MMS19: variants seen among roughly 807,000 people sequenced by gnomAD.
MMS19 encodes the protein MMS19 nucleotide excision repair protein homolog.
In MMS19, 77 loss-of-function variants were observed where a neutral mutation model predicts 129.8. That is an observed-to-expected ratio of 0.59 (90% CI 0.49 to 0.72). The LOEUF is 0.72. Ranked by LOEUF, MMS19 falls within the 30% of genes least tolerant of loss-of-function variation. MMS19 has a pLI of 0.00. For synonymous variants in MMS19, 491 were observed against 502.8 expected (o/e 0.98, Z 0.31); for missense variants, 1,168 against 1,266.3 (o/e 0.92, Z 1.18).
At chr10:97,478,468 A>G in intron 3 of MMS19, 79 bp from the exon 4 acceptor site, 1 of 1,040,224 alleles carries the variant, frequency 9.6e-7, no homozygotes, top group Non-Finnish European at 1.4e-6. Flanking sequence ...CTAAGTCTAT[A>G]ACAGTTGTTT....
intron 2 of MMS19, among the ~76,000 whole-genome samples, chr10:97,483,302 C>T (rs1165789756): frequency 6.6e-6 from 1 of 152,138 alleles, no homozygotes; most frequent in Admixed American, 6.6e-5. Context: ...AATCCACCTT[C>T]TTCGGCCTCT....
intron 19 of MMS19, among the ~76,000 whole-genome samples, chr10:97,463,162 A>ATTTTTT (rs2032506129): frequency 7.5e-6 from 1 of 133,298 alleles, no homozygotes; most frequent in Admixed American, 7.5e-5. Context: ...CCTGTGAAAC[A>ATTTTTT]GTTTTTTTTT....
chr10:97,479,610 A>G (rs2036390691), intron 3 of MMS19, among the ~76,000 whole-genome samples: 2 of 152,194 alleles, frequency 1.3e-5, no homozygotes, highest in African/African-American at 2.4e-5. Flanking sequence ...TTCACTGAAC[A>G]TGCCTAGTCC....
In MMS19 at chr10:97,466,785, C is replaced by T; in HGVS notation, c.1414G>A (p.Ala472Thr). ...TTCCCTTAAGATGTACCTGGCTGGG[C>T]ACCCAAGACTGTCAGTGTACGGATG... ...VGIRTLTVLG[A>T]QPDLLSYEDL... Residue 472 changes from alanine (A) to threonine (T), a missense_variant, in exon 15 of 31, where the codon GCC becomes ACC. By Grantham distance (58) the Ala-to-Thr change is moderately conservative (BLOSUM62 0). Around this residue, in one of 3 missense-constraint regions of MMS19, gnomAD observed 831 missense variants for 910.8 expected, o/e 0.91. Transcript: ENST00000438925. The T allele has an allele frequency of 6.2e-7, 1 of 1,614,014 alleles. No homozygotes were observed. Among genetic ancestry groups the T allele is most frequent in the African/African-American group, 1.3e-5 (1 of 75,050 alleles).
chr10:97,475,625 C>A (rs1004942180), intron 8 of MMS19, among the ~76,000 whole-genome samples: 1 of 152,262 alleles, frequency 6.6e-6, no homozygotes, highest in African/African-American at 2.4e-5. Context: ...GTAATCCCAG[C>A]TACTTGGGAG....
chr10:97,483,982 G>A (rs2037350900), intron 2 of MMS19, 121 bp downstream of exon 2: 1 of 653,944 alleles, frequency 1.5e-6, no homozygotes, highest in South Asian at 1.9e-5. Context: ...TACTAATATG[G>A]AAGGGGGCTG....
rs536544674 is a variant in MMS19, at chr10:97,477,723, A to G, written c.423+132T>C. The G allele has an allele frequency of 2.5e-4, 175 of 694,810 alleles. 3 individuals carry two copies. The highest frequency in any genetic ancestry group is 2.2e-3 in the East Asian group (82 of 36,446). 43.0% of individuals were successfully genotyped at this position (694,810 alleles called of 1,614,324 possible). On this transcript the variant is annotated intron_variant, in intron 5 of 30. Coordinates refer to ENST00000438925, the MANE Select transcript of MMS19 (RefSeq NM_022362.5). Reference sequence around the variant, plus strand: ...AAAGATGAGCATATAAACATACTGAAGAAGAGCATAAAAACATTCACAAGA... The same window carrying G: ...AAAGATGAGCATATAAACATACTGAGGAAGAGCATAAAAACATTCACAAGA...
intron 26 of MMS19, 136 bp downstream of exon 26, chr10:97,459,910 A>G: frequency 9.5e-7 from 1 of 1,056,972 alleles, no homozygotes; most frequent in Non-Finnish European, 1.4e-6. Context: ...TGGGACAAGA[A>G]TCTAGAAGTT....
At chr10:97,483,546 T>C (rs577172429) in intron 2 of MMS19, among the ~76,000 whole-genome samples, 46 of 152,372 alleles carry the variant, frequency 3.0e-4, no homozygotes, top group African/African-American at 1.1e-3. Flanking sequence ...TCAATTTAAA[T>C]GGTCTATACC....
Position 97,468,359 on chromosome 10 carries a change from T to C in MMS19, c.1111A>G (p.Ser371Gly), listed in dbSNP as rs1050968876. The C allele has an allele frequency of 3.1e-6, 5 of 1,612,832 alleles. No homozygotes were observed. The highest frequency in any genetic ancestry group is 1.1e-5 in the South Asian group (1 of 90,902). The change falls in exon 13 of 31, where the codon AGT (serine) becomes GGT (glycine). Residue 371 changes from serine to glycine, a missense_variant. Transcript: ENST00000438925. Reference protein sequence around the residue: ...CEPDMKLVWPSAKLLQAAAGA... With the variant: ...CEPDMKLVWPGAKLLQAAAGA... Reference sequence around the variant, plus strand: ...GCAGCTGCCTGCAACAGCTTGGCACTAGGCCACACCAGTTTCATGTCCGGT... The same window carrying C: ...GCAGCTGCCTGCAACAGCTTGGCACCAGGCCACACCAGTTTCATGTCCGGT...
chr10:97,475,243 T>G (rs2035524951), intron 8 of MMS19, among the ~76,000 whole-genome samples: 3 of 152,168 alleles, frequency 2.0e-5, no homozygotes, highest in Admixed American at 2.0e-4. Flanking sequence ...CATGCCCGCA[T>G]GTGCACACAT....
At chr10:97,496,250 TCATGCCTGTAATCC>T (rs2039756569) in intron 1 of MMS19, among the ~76,000 whole-genome samples, 1 of 152,182 alleles carries the variant, frequency 6.6e-6, no homozygotes, top group Non-Finnish European at 1.5e-5. Context: ...TCCCAGTGGC[TCATGCCTGTAATCC>T]CAGCACTTCG....
rs1404955065 is a variant in MMS19, at chr10:97,468,470, CCA to C, written c.1064-66_1064-65del. 4 of 1,468,222 alleles carry C rather than the reference CCA, an allele frequency of 2.7e-6. No individual in the cohort carries two copies. In the Admixed American group the frequency reaches 9.2e-5, roughly 34 times the overall value. 90.9% of individuals were successfully genotyped at this position (1,468,222 alleles called of 1,614,324 possible). A position where few individuals can be genotyped will look rare whatever the true frequency, so the allele number is the denominator to read the frequency against. ...AAATGGTGCCTGACTCCCCTACAGTCCACAGAGGTTGGAGACTGAGACCCATG... is the reference window on the plus strand; with the variant it reads ...AAATGGTGCCTGACTCCCCTACAGTCCAGAGGTTGGAGACTGAGACCCATG... On this transcript the variant is annotated intron_variant, in intron 12 of 30. Transcript: ENST00000438925.
intron 10 of MMS19, 39 bp downstream of exon 10, chr10:97,470,089 CA>C (rs758837041): frequency 2.8e-6 from 4 of 1,403,996 alleles, no homozygotes; most frequent in East Asian, 2.3e-5. Flanking sequence ...CCTAACTTGT[CA>C]AAAGGTAGCT....
chr10:97,490,709 G>T (rs1035600128), intron 1 of MMS19, among the ~76,000 whole-genome samples: 2 of 152,212 alleles, frequency 1.3e-5, no homozygotes, highest in African/African-American at 2.4e-5. Flanking sequence ...GTTATGAGCT[G>T]ACCTGGGCAG....
chr10:97,476,962 C>G lies in MMS19; in HGVS notation c.495G>C (p.Glu165Asp), dbSNP rs1237723709. 6.2e-7 allele frequency: 1 copy of G among 1,613,790 alleles called. No individual in the cohort carries two copies. Among genetic ancestry groups the G allele is most frequent in the South Asian group, 1.1e-5 (1 of 91,074 alleles). ...TGAAGTCAGCTCCTAGGCTCTTTAG[C>G]TCTGGGAAGGAGAGAATAAGGTTAC... Reference protein sequence around the residue: ...ITNFMRTREEELKSLGADFTF... With the variant: ...ITNFMRTREEDLKSLGADFTF... The change falls in exon 7 of 31, where the codon GAG becomes GAC. Residue 165 changes from glutamate to aspartate, a missense_variant and splice_region_variant. Coordinates refer to ENST00000438925, the MANE Select transcript of MMS19 (RefSeq NM_022362.5).
At chr10:97,469,575 G>T in intron 11 of MMS19, 71 bp downstream of exon 11, 1 of 1,270,514 alleles carries the variant, frequency 7.9e-7, no homozygotes. Context: ...GAAAAGGACA[G>T]GATGTATTAT....
chr10:97,465,706 TTC>T, intron 18 of MMS19, 97 bp downstream of exon 18: 2 of 1,194,346 alleles, frequency 1.7e-6, no homozygotes, highest in South Asian at 3.0e-5. Context: ...AAAGAGTTGA[TTC>T]TGTTACTCTT....
In MMS19 at chr10:97,468,264, G is replaced by A. The variant is rs1372764043; in HGVS notation, c.1206C>T (p.His402=). 8 of 1,588,158 alleles carry A rather than the reference G, an allele frequency of 5.0e-6. No homozygotes were observed. Among genetic ancestry groups the A allele is most frequent in the Non-Finnish European group, 6.9e-6 (8 of 1,162,862 alleles). ...TCTGCTCCCTTACCTGACTGTGCTT[G>A]TGGAACTGTTCCAGCAGTAAAGGCA... ...NVLPLLLEQF[H]KHSQSSQRRT... Residue 402 remains histidine (H), a synonymous_variant, in exon 13 of 31, where the codon CAC becomes CAT. Transcript: ENST00000438925.
Sources: allele counts gnomAD v4.1 joint callset (sites outside exome capture counted in the v4.1 genomes callset), GRCh38; gene constraint gnomAD v4.1.1; regional missense constraint gnomAD v4.1.1; transcripts MANE v1.5; gene names NCBI Gene and HGNC (gene_info 2026-07-23, HGNC 2026-07-21).